KYAT1: variants seen among roughly 807,000 people sequenced by gnomAD.
KYAT1 encodes the protein kynurenine--oxoglutarate transaminase 1.
In KYAT1, 47 loss-of-function variants were observed where a neutral mutation model predicts 52.4. That is an observed-to-expected ratio of 0.90 (90% CI 0.71 to 1.14). The LOEUF (loss-of-function observed/expected upper bound fraction) is 1.14, where lower values mean the gene tolerates loss of function less well. KYAT1 is among the 50% of genes most tolerant of loss of function. The pLI is 0.00. For missense variants in KYAT1, 480 were observed against 557.9 expected, an observed-to-expected ratio of 0.86 and a Z score of 1.41; for synonymous variants, 212 against 209.6, an observed-to-expected ratio of 1.01 and a Z score of -0.10.
Position 128,868,297 on chromosome 9 carries a change from G to C in KYAT1, c.-7+13600C>G, listed in dbSNP as rs369761048. On this transcript the variant is annotated intron_variant, in intron 1 of 12. Transcript: ENST00000302586. ...TGTGCCTCAGCCTCCTGAGTAGCTGGAACTATAGGTGATCCACCCACCTCG... is the reference window on the plus strand; with the variant it reads ...TGTGCCTCAGCCTCCTGAGTAGCTGCAACTATAGGTGATCCACCCACCTCG... Among the ~76,000 whole-genome samples, 8 of 151,110 alleles carry C rather than the reference G, an allele frequency of 5.3e-5. No individual in the cohort carries two copies. The South Asian group carries it at 1.7e-3, about 32-fold the overall frequency.
rs1476409800 is a variant in KYAT1 at position 128,838,236 on chromosome 9, C to T, written c.333G>A (p.Leu111=). ...CACTCACCTCGTCTCCTTCGTCCAC[C>T]AGGGCCTGGAAGGCTGTGAACAGGG... ...YGALFTAFQA[L]VDEGDEVIII... The change falls in exon 4 of 13, where the codon CTG becomes CTA. Residue 111 remains leucine, a synonymous_variant. Transcript: ENST00000302586. 1.2e-6 allele frequency: 2 copies of T among 1,614,226 alleles called. No homozygotes were observed. Among genetic ancestry groups the T allele is most frequent in the East Asian group, 4.5e-5 (2 of 44,890 alleles).
chr9:128,857,761 G>A (rs981204929), intron 1 of KYAT1, among the ~76,000 whole-genome samples: 8 of 152,256 alleles, frequency 5.3e-5, no homozygotes, highest in African/African-American at 1.2e-4. Flanking sequence ...GCGTGAACCC[G>A]GGAGGCGGAG....
chr9:128,874,175 G>A (rs1352726134), intron 1 of KYAT1, among the ~76,000 whole-genome samples: 1 of 148,306 alleles, frequency 6.7e-6, no homozygotes, highest in East Asian at 2.0e-4. Flanking sequence ...AGAATCGCTT[G>A]AACCCAGGAG....
chr9:128,843,279 G>A (rs908918751), intron 2 of KYAT1, among the ~76,000 whole-genome samples: 1 of 152,136 alleles, frequency 6.6e-6, no homozygotes, highest in African/African-American at 2.4e-5. Context: ...GTCACAGCTG[G>A]TCCCCTACAT....
rs770683755 is a variant in KYAT1, at chr9:128,838,100, G to C, written c.389C>G (p.Pro130Arg). Residue 130 changes from proline (P) to arginine (R), a missense_variant, in exon 5 of 13, where the codon CCC becomes CGC. Coordinates refer to ENST00000302586, the MANE Select transcript of KYAT1 (RefSeq NM_004059.5). ...ACGACCCCCTGCCATCATTGTCATG[G>C]GCTCGTAGCAGTCAAAAAAGGGTTC... ...IIEPFFDCYE[P>R]MTMMAGGRPV... 1.9e-6 allele frequency: 3 copies of C among 1,614,124 alleles called. No homozygotes were observed. The South Asian group carries it at 3.3e-5, about 18-fold the overall frequency.
chr9:128,835,138 C>CA (rs532952934), intron 11 of KYAT1, 185 bp downstream of exon 11: 20,242 of 504,674 alleles, frequency 0.04, 13 homozygotes, highest in Middle Eastern at 0.06. Context: ...CCATCTCAAC[C>CA]AAAAAAAAAA....
chr9:128,875,248 GT>G (rs1201067985), intron 1 of KYAT1, among the ~76,000 whole-genome samples: 1,278 of 108,250 alleles, frequency 0.012, 14 homozygotes, highest in African/African-American at 0.036. Flanking sequence ...GTTTTTTTTT[GT>G]TTTTTTTTTT....
At chr9:128,880,980 TAAC>T (rs1231805398) in intron 1 of KYAT1, among the ~76,000 whole-genome samples, 1 of 152,244 alleles carries the variant, frequency 6.6e-6, no homozygotes, top group Non-Finnish European at 1.5e-5. Flanking sequence ...CAACCGCAAT[TAAC>T]AACTTCTTGT....
At chr9:128,862,767 G>A (rs1462982894) in intron 1 of KYAT1, among the ~76,000 whole-genome samples, 1 of 152,216 alleles carries the variant, frequency 6.6e-6, no homozygotes, top group Non-Finnish European at 1.5e-5. Context: ...GGGACTGGCA[G>A]TGCATCGGGC....
chr9:128,858,311 C>T (rs940944288), intron 1 of KYAT1, among the ~76,000 whole-genome samples: 2 of 146,960 alleles, frequency 1.4e-5, no homozygotes, highest in Non-Finnish European at 3.0e-5. Flanking sequence ...GTACGAGAAT[C>T]GCTTGAGCTC....
intron 3 of KYAT1, among the ~76,000 whole-genome samples, chr9:128,841,744 T>A: frequency 6.9e-6 from 1 of 145,118 alleles, no homozygotes; most frequent in East Asian, 2.1e-4. Context: ...ACGCCTGTAA[T>A]CCCAGCACTT....
chr9:128,833,795 T>A lies in KYAT1; in HGVS notation c.1154A>T (p.Tyr385Phe), dbSNP rs75692348. The A allele has an allele frequency of 4.3e-6, 7 of 1,614,186 alleles. No individual in the cohort carries two copies. The highest frequency in any genetic ancestry group is 4.0e-5 in the African/African-American group (3 of 75,058). The change falls in exon 12 of 13, where the codon TAT (tyrosine) becomes TTT (phenylalanine). Residue 385 changes from tyrosine to phenylalanine, a missense_variant. Physicochemically the swap from Tyr to Phe is conservative, Grantham distance 22 (BLOSUM62 3). Coordinates refer to ENST00000302586, the MANE Select transcript of KYAT1 (RefSeq NM_004059.5). Reference protein sequence around the residue: ...GLVAIPVSIFYSVPHQKHFDH... With the variant: ...GLVAIPVSIFFSVPHQKHFDH... Reference sequence around the variant, plus strand: ...AAAGTGCTTCTGATGTGGCACACTATAGAAGATGGAGACAGGGATGGCCAC... The same window carrying A: ...AAAGTGCTTCTGATGTGGCACACTAAAGAAGATGGAGACAGGGATGGCCAC...
rs141452687 is a variant in KYAT1, at chr9:128,865,549, G to A, written c.-7+16348C>T. Among the ~76,000 whole-genome samples the A allele has an allele frequency of 7.8e-3, 1,174 of 149,878 alleles. 15 individuals are homozygous for A. Among genetic ancestry groups the A allele is most frequent in the African/African-American group, 0.028 (1,120 of 40,230 alleles). On this transcript the variant is annotated intron_variant, in intron 1 of 12. Coordinates refer to ENST00000302586, the MANE Select transcript of KYAT1 (RefSeq NM_004059.5). ...GGCTAATTTTGTATTTTTAGTAGAG[G>A]TGGGGTTTCACTACGTTGTCCAGGC...
At chr9:128,870,260 T>C (rs1381699923) in intron 1 of KYAT1, among the ~76,000 whole-genome samples, 2 of 152,168 alleles carry the variant, frequency 1.3e-5, no homozygotes, top group Non-Finnish European at 1.5e-5. Context: ...AATGGATAAA[T>C]TGTAACATAT....
At chr9:128,838,431 T>C in intron 3 of KYAT1, 64 bp from the exon 4 acceptor site, 1 of 1,597,452 alleles carries the variant, frequency 6.3e-7, no homozygotes, top group Non-Finnish European at 8.6e-7. Flanking sequence ...CCCAGCTGTA[T>C]CCAGGCAATT....
At position 128,833,431 on chromosome 9, in the gene KYAT1, G is replaced by T; in HGVS notation, c.*153C>A. On this transcript the variant is annotated 3_prime_UTR_variant, in exon 13 of 13. Coordinates refer to ENST00000302586, the MANE Select transcript of KYAT1 (RefSeq NM_004059.5). ...TGGTTCTCTAAGATGAAGAAGGGCGGCTCCCACCCAGAACATTCTGTGTCA... is the reference window on the plus strand; with the variant it reads ...TGGTTCTCTAAGATGAAGAAGGGCGTCTCCCACCCAGAACATTCTGTGTCA... 1 of 782,554 alleles carries T rather than the reference G, an allele frequency of 1.3e-6. No individual in the cohort carries two copies. The highest frequency in any genetic ancestry group is 2.1e-6 in the Non-Finnish European group (1 of 482,168). 48.5% of individuals were successfully genotyped at this position (782,554 alleles called of 1,614,324 possible).
intron 1 of KYAT1, among the ~76,000 whole-genome samples, chr9:128,869,301 A>G (rs1836887883): frequency 6.6e-6 from 1 of 151,992 alleles, no homozygotes; most frequent in South Asian, 2.1e-4. Flanking sequence ...AGCTGGGACT[A>G]CAGGCGCGAG....
At chr9:128,845,665 T>G in intron 1 of KYAT1, 1 of 525,716 alleles carries the variant, frequency 1.9e-6, no homozygotes, top group Non-Finnish European at 3.4e-6. Flanking sequence ...GCCTGGCGCC[T>G]GCCCAGTGGA....
At chr9:128,844,725 C>T (rs1042302617) in intron 2 of KYAT1, among the ~76,000 whole-genome samples, 33 of 150,944 alleles carry the variant, frequency 2.2e-4, no homozygotes, top group Admixed American at 1.9e-3. Context: ...ATTAGCTGGG[C>T]GTTGTGTTGC....
Sources: gnomAD v4.1 joint callset for allele counts (sites outside exome capture counted in the v4.1 genomes callset) on GRCh38, gnomAD v4.1.1 for gene constraint, MANE v1.5 for transcripts, NCBI Gene and HGNC (gene_info 2026-07-23, HGNC 2026-07-21) for gene names.